UBE3B: variants seen among roughly 807,000 people sequenced by gnomAD.
UBE3B encodes the protein ubiquitin protein ligase E3B.
A neutral mutation model predicts 132.3 loss-of-function variants in UBE3B; 80 were observed. The ratio of observed to expected loss-of-function variants is 0.60; its 90% CI spans 0.50 to 0.73. The LOEUF is 0.73. Ranked by LOEUF, UBE3B falls within the 30% of genes least tolerant of loss-of-function variation. The pLI, the probability that UBE3B is intolerant of heterozygous loss-of-function variation, is 0.00. For synonymous variants in UBE3B, 487 were observed against 520.4 expected (o/e 0.94, Z 0.87); for missense variants, 1,196 against 1,362.5 (o/e 0.88, Z 1.92).
At chr12:109,547,093 G>T in the UBE3B span, among the ~76,000 whole-genome samples, 1 of 151,994 alleles carries the variant, frequency 6.6e-6, no homozygotes, top group African/African-American at 2.4e-5. This position sits in a 1 kb window ranked among gnomAD's most constrained non-coding sequence, Gnocchi z 4.1. Flanking sequence ...GAGACAAAGA[G>T]CCCCATGGAG....
intron 2 of UBE3B, among the ~76,000 whole-genome samples, chr12:109,482,620 C>T (rs1875669058): frequency 1.3e-5 from 2 of 152,148 alleles, no homozygotes; most frequent in Non-Finnish European, 1.5e-5. Context: ...GCTGATTGTG[C>T]ATTTTGTATA....
At chr12:109,512,503 G>A (rs973886204) in intron 18 of UBE3B, among the ~76,000 whole-genome samples, 8 of 152,300 alleles carry the variant, frequency 5.3e-5, no homozygotes, top group Middle Eastern at 3.4e-3. Flanking sequence ...CCGATGCTGC[G>A]ACAACACTCA....
Position 109,481,675 on chromosome 12 carries a change from C to G in UBE3B, c.-89C>G, listed in dbSNP as rs79330589. Reference sequence around the variant, plus strand: ...CTTTTCTGAAGTGAGAAGCTGTTCTCAGCCACGAGTCCTGTGCAAGATCAC... The same window carrying G: ...CTTTTCTGAAGTGAGAAGCTGTTCTGAGCCACGAGTCCTGTGCAAGATCAC... On this transcript the variant is annotated 5_prime_UTR_variant, in exon 2 of 28. Transcript: ENST00000342494. 3 of 152,174 alleles carry G rather than the reference C, an allele frequency of 2.0e-5. No individual in the cohort carries two copies. The highest frequency in any genetic ancestry group is 4.4e-5 in the Non-Finnish European group (3 of 68,028). 9.4% of individuals were successfully genotyped at this position (152,174 alleles called of 1,614,324 possible).
At chr12:109,490,802 GTT>G (rs1277542522) in intron 8 of UBE3B, 1 of 1,323,086 alleles carries the variant, frequency 7.6e-7, no homozygotes, top group African/African-American at 1.5e-5. Context: ...ACTGCATACG[GTT>G]TTTTGTTTTT....
chr12:109,487,384 A>G (rs1366118472), intron 6 of UBE3B, among the ~76,000 whole-genome samples: 1 of 152,232 alleles, frequency 6.6e-6, no homozygotes, highest in Non-Finnish European at 1.5e-5. Context: ...TGGCAAGGAC[A>G]CAGATAGCAG....
intron 17 of UBE3B, 29 bp downstream of exon 17, chr12:109,510,487 T>C: frequency 1.3e-6 from 2 of 1,577,482 alleles, no homozygotes; most frequent in Non-Finnish European, 1.7e-6. Flanking sequence ...GAGGGCTCCA[T>C]GGAAGCCAGC....
Position 109,533,439 on chromosome 12 carries a change from C to A in UBE3B, c.2923-27C>A, listed in dbSNP as rs368668526. The A allele has an allele frequency of 6.2e-6, 10 of 1,603,360 alleles. No individual in the cohort carries two copies. The African/African-American group carries it at 6.7e-5, about 11-fold the overall frequency. On this transcript the variant is annotated intron_variant, in intron 26 of 27. Transcript: ENST00000342494. The stretch of plus-strand genomic sequence containing the variant: ...CTGGAAGAGCAGGAGCCTGCCCCGT[C>A]CCCACTGACCCTGCTTTGTGTTGCA...
intron 14 of UBE3B, among the ~76,000 whole-genome samples, chr12:109,503,710 T>G (rs1172414539): frequency 6.6e-6 from 1 of 152,262 alleles, no homozygotes; most frequent in African/African-American, 2.4e-5. Context: ...CATTTTCCTT[T>G]TTAGCTTAAC....
chr12:109,482,579 C>G (rs145654458), intron 2 of UBE3B, among the ~76,000 whole-genome samples: 1 of 152,174 alleles, frequency 6.6e-6, no homozygotes, highest in Non-Finnish European at 1.5e-5. Context: ...GTCTGGATTT[C>G]TGAATAATTC....
In UBE3B at chr12:109,516,888, A is replaced by G; in HGVS notation, c.2076+4A>G. ...CCGCCGGTCCAGGATGCTGGAGGTG[A>G]GTGTGAAGCCTATGGAATCCTACCA... On this transcript the variant is annotated splice_donor_region_variant and intron_variant, in intron 19 of 27. Transcript: ENST00000342494. 6.2e-7 allele frequency: 1 copy of G among 1,613,528 alleles called. No individual in the cohort carries two copies. Among genetic ancestry groups the G allele is most frequent in the South Asian group, 1.1e-5 (1 of 91,034 alleles).
intron 12 of UBE3B, among the ~76,000 whole-genome samples, chr12:109,500,575 C>T (rs1474451536): frequency 6.6e-6 from 1 of 152,178 alleles, no homozygotes; most frequent in Non-Finnish European, 1.5e-5. Context: ...CAGCGTGACA[C>T]CTCAGCCTGA....
intron 21 of UBE3B, among the ~76,000 whole-genome samples, chr12:109,523,278 G>C (rs960921397): frequency 1.3e-5 from 2 of 152,204 alleles, no homozygotes; most frequent in African/African-American, 4.8e-5. Context: ...TGCCACAGCC[G>C]TCTGGCTGTG....
chr12:109,490,034 C>G, intron 8 of UBE3B, 30 bp downstream of exon 8: 1 of 1,597,390 alleles, frequency 6.3e-7, no homozygotes, highest in Non-Finnish European at 8.6e-7. Context: ...CAGTGTGCAA[C>G]TTCTCCACTC....
chr12:109,545,218 C>G, the UBE3B span, among the ~76,000 whole-genome samples: 1 of 152,230 alleles, frequency 6.6e-6, no homozygotes, highest in African/African-American at 2.4e-5. Flanking sequence ...GGTGTGAAGT[C>G]TGCTGGGTGG....
At chr12:109,546,129 T>C in the UBE3B span, among the ~76,000 whole-genome samples, 4 of 152,112 alleles carry the variant, frequency 2.6e-5, no homozygotes, top group Admixed American at 6.5e-5. Context: ...GGGAACGGGT[T>C]CCATTAGGTG....
intron 24 of UBE3B, among the ~76,000 whole-genome samples, chr12:109,528,067 CCTG>C (rs1882551205): frequency 6.6e-6 from 1 of 152,162 alleles, no homozygotes. Flanking sequence ...AGAGTCCTGT[CCTG>C]CTGGGAAACC....
At chr12:109,490,846 G>A (rs1253354058) in intron 8 of UBE3B, 199 bp from the exon 9 acceptor site, 5 of 1,181,102 alleles carry the variant, frequency 4.2e-6, no homozygotes, top group Non-Finnish European at 5.7e-6. Flanking sequence ...AAGAGACAGG[G>A]TTGCCCTGTC....
chr12:109,530,471 G>A (rs935764919), intron 25 of UBE3B, 76 bp from the exon 26 acceptor site: 25 of 1,287,402 alleles, frequency 1.9e-5, no homozygotes, highest in Non-Finnish European at 2.6e-5. Context: ...CGTGCCAGCT[G>A]TCTGCATGAC....
At chr12:109,531,477 T>C (rs1882934256) in intron 26 of UBE3B, among the ~76,000 whole-genome samples, 1 of 152,230 alleles carries the variant, frequency 6.6e-6, no homozygotes, top group Admixed American at 6.5e-5. Context: ...TGCCATGTTC[T>C]GGTGGTAAAT....
Sources: allele counts gnomAD v4.1 joint callset (sites outside exome capture counted in the v4.1 genomes callset), GRCh38; gene constraint gnomAD v4.1.1; non-coding constraint Gnocchi (gnomAD v3.1); transcripts MANE v1.5; gene names NCBI Gene and HGNC (gene_info 2026-07-23, HGNC 2026-07-21).